DOK6: variants seen among roughly 807,000 people sequenced by gnomAD.
DOK6 encodes the protein docking protein 6.
In DOK6, 22 loss-of-function variants were observed where a neutral mutation model predicts 44.0. The ratio of observed to expected loss-of-function variants is 0.50; its 90% CI spans 0.36 to 0.71. The LOEUF is 0.71. Among genes scored for constraint, DOK6 ranks in the 30% least tolerant of loss-of-function variants. The probability of loss-of-function intolerance (pLI) is 0.00; values close to 1 mark genes in which losing one functional copy is unlikely to be tolerated. For synonymous variants in DOK6, 166 were observed against 145.5 expected, an observed-to-expected ratio of 1.14 and a Z score of -1.01; for missense variants, 340 against 416.4, an observed-to-expected ratio of 0.82 and a Z score of 1.60.
At chr18:69,632,672 T>A (rs547606948) in intron 3 of DOK6, among the ~76,000 whole-genome samples, 1 of 152,332 alleles carries the variant, frequency 6.6e-6, no homozygotes, top group African/African-American at 2.4e-5. Flanking sequence ...CGAGGTATAT[T>A]TCTATATTTA....
In DOK6 at chr18:69,845,255, C is replaced by T. The variant is rs1982321151; in HGVS notation, c.*3872C>T. The stretch of plus-strand genomic sequence containing the variant: ...CACAGCACAATAAATGGGCAGTATA[C>T]GTCTAATGGAACTGAGATTTAAGGC... On this transcript the variant is annotated 3_prime_UTR_variant, in exon 8 of 8. Transcript: ENST00000382713. 2.6e-5 allele frequency: 4 copies of T among 152,122 alleles called. No individual in the cohort carries two copies. The South Asian group carries it at 6.2e-4, about 24-fold the overall frequency. The allele number at this position is 152,122 out of a possible 1,614,324, so 9.4% of individuals were successfully genotyped here.
intron 2 of DOK6, among the ~76,000 whole-genome samples, chr18:69,568,254 G>C (rs771170196): frequency 2.0e-5 from 3 of 152,222 alleles, no homozygotes; most frequent in Non-Finnish European, 2.9e-5. Flanking sequence ...CTCCAAGCCA[G>C]GTAATGAGCC....
intron 1 of DOK6, among the ~76,000 whole-genome samples, chr18:69,414,866 C>T (rs539086737): frequency 9.9e-5 from 15 of 152,052 alleles, no homozygotes; most frequent in South Asian, 4.2e-4. Flanking sequence ...TTTACAAACA[C>T]GATAAGCCAT....
At chr18:69,817,201 T>A (rs1416309289) in intron 7 of DOK6, among the ~76,000 whole-genome samples, 1 of 152,212 alleles carries the variant, frequency 6.6e-6, no homozygotes, top group Non-Finnish European at 1.5e-5. Context: ...GTTCAGTAAA[T>A]GTTTACGTCT....
chr18:69,742,380 C>A (rs1978830713), intron 6 of DOK6, among the ~76,000 whole-genome samples: 1 of 146,800 alleles, frequency 6.8e-6, no homozygotes, highest in Non-Finnish European at 1.5e-5. Flanking sequence ...TGCCATTGCA[C>A]TCTAGCTTGG....
At chr18:69,687,311 G>A (rs1464542842) in intron 4 of DOK6, among the ~76,000 whole-genome samples, 6 of 152,190 alleles carry the variant, frequency 3.9e-5, no homozygotes. Context: ...GAAAAATTAT[G>A]TGATTATTAT....
At chr18:69,627,656 A>G (rs918002015) in intron 3 of DOK6, among the ~76,000 whole-genome samples, 9 of 151,914 alleles carry the variant, frequency 5.9e-5, no homozygotes, top group South Asian at 4.1e-4. Flanking sequence ...TCACCGTGTT[A>G]GCCAGGATGG....
At chr18:69,750,436 T>G (rs1257643145) in intron 6 of DOK6, among the ~76,000 whole-genome samples, 1 of 152,196 alleles carries the variant, frequency 6.6e-6, no homozygotes, top group Non-Finnish European at 1.5e-5. Flanking sequence ...GCAGACATTT[T>G]TCAAAAGACA....
intron 2 of DOK6, among the ~76,000 whole-genome samples, chr18:69,585,915 G>C (rs1029732770): frequency 6.6e-6 from 1 of 152,130 alleles, no homozygotes; most frequent in Non-Finnish European, 1.5e-5. Flanking sequence ...CCTAATCATA[G>C]CCTTGTATCT....
intron 1 of DOK6, among the ~76,000 whole-genome samples, chr18:69,563,955 A>G (rs527403025): frequency 2.0e-5 from 3 of 152,324 alleles, no homozygotes; most frequent in East Asian, 3.9e-4. Flanking sequence ...TATTTAATAA[A>G]TACTTCCTAT....
At chr18:69,586,379 AG>A (rs1568304191) in intron 2 of DOK6, among the ~76,000 whole-genome samples, 2 of 152,200 alleles carry the variant, frequency 1.3e-5, no homozygotes, top group Non-Finnish European at 2.9e-5. Context: ...TGTCTTCTCC[AG>A]GGTCATTCAG....
intron 1 of DOK6, among the ~76,000 whole-genome samples, chr18:69,454,251 C>T (rs1381410678): frequency 3.9e-5 from 4 of 102,790 alleles, no homozygotes; most frequent in Admixed American, 1.1e-4. Flanking sequence ...GGGCGAAGGA[C>T]ATGAACAGAC....
intron 4 of DOK6, among the ~76,000 whole-genome samples, chr18:69,680,725 A>G (rs2144688268): frequency 6.6e-6 from 1 of 152,314 alleles, no homozygotes; most frequent in African/African-American, 2.4e-5. Context: ...ATGCTCTCTC[A>G]AACAATTACC....
At chr18:69,781,333 T>C (rs971500489) in intron 7 of DOK6, 2 of 152,190 alleles carry the variant, frequency 1.3e-5, no homozygotes, top group Non-Finnish European at 2.9e-5. Context: ...CCCTTGGTTA[T>C]GTATGGCATC....
chr18:69,416,463 T>A (rs356002), intron 1 of DOK6, among the ~76,000 whole-genome samples: 8 of 152,012 alleles, frequency 5.3e-5, no homozygotes, highest in Admixed American at 1.3e-4. Flanking sequence ...TAAAAATGTC[T>A]TTTCTTTTGG....
At chr18:69,726,394 G>A (rs562479037) in intron 5 of DOK6, among the ~76,000 whole-genome samples, 38 of 151,930 alleles carry the variant, frequency 2.5e-4, no homozygotes, top group African/African-American at 8.9e-4. Flanking sequence ...AACTCATACC[G>A]TTCCTCCAGT....
chr18:69,800,123 A>C (rs867681868), intron 7 of DOK6, among the ~76,000 whole-genome samples: 105 of 151,982 alleles, frequency 6.9e-4, no homozygotes, highest in African/African-American at 2.4e-3. Flanking sequence ...GGAGCCATTC[A>C]GTTTGGCTTA....
chr18:69,527,108 T>G (rs1981851473), intron 1 of DOK6, among the ~76,000 whole-genome samples: 1 of 152,232 alleles, frequency 6.6e-6, no homozygotes, highest in Non-Finnish European at 1.5e-5. Flanking sequence ...AAAACAACTT[T>G]ATCGATTAGA....
At chr18:69,830,443 GACA>G (rs1266626108) in intron 7 of DOK6, among the ~76,000 whole-genome samples, 3 of 152,132 alleles carry the variant, frequency 2.0e-5, no homozygotes, top group Admixed American at 6.5e-5. Flanking sequence ...TAGGACAACT[GACA>G]TGCTCACACA....
Sources: allele counts gnomAD v4.1 joint callset (sites outside exome capture counted in the v4.1 genomes callset), GRCh38; gene constraint gnomAD v4.1.1; transcripts MANE v1.5; gene names NCBI Gene and HGNC (gene_info 2026-07-23, HGNC 2026-07-21).